The following MPDZ variants were observed in gnomAD, a reference collection of about 807,000 sequenced individuals.
MPDZ encodes multiple PDZ domain crumbs cell polarity complex component.
In MPDZ, 234 loss-of-function variants were observed where a neutral mutation model predicts 239.1. The ratio of observed to expected loss-of-function variants is 0.98; its 90% CI spans 0.88 to 1.09. The LOEUF (loss-of-function observed/expected upper bound fraction) is 1.09. Among genes scored for constraint, MPDZ ranks in the 50% least tolerant of loss-of-function variants. The pLI, the probability that MPDZ is intolerant of heterozygous loss-of-function variation, is 0.00. For missense variants in MPDZ, 3,175 were observed against 2,510.0 expected, an observed-to-expected ratio of 1.26 and a Z score of -5.66; for synonymous variants, 1,048 against 881.3, an observed-to-expected ratio of 1.19 and a Z score of -3.35.
At chr9:13,121,322 C>G (rs1232701302) in intron 38 of MPDZ, among the ~76,000 whole-genome samples, 2 of 152,072 alleles carry the variant, frequency 1.3e-5, no homozygotes, top group African/African-American at 4.8e-5. Context: ...TCACTTGGTC[C>G]CTTTCTCCTT....
intron 1 of MPDZ, among the ~76,000 whole-genome samples, chr9:13,267,745 G>A (rs1972084382): frequency 6.6e-6 from 1 of 152,150 alleles, no homozygotes; most frequent in South Asian, 2.1e-4. Flanking sequence ...AGCTGAAAGG[G>A]AGAAGGGATG....
chr9:13,157,220 G>C (rs1385107930), intron 24 of MPDZ, among the ~76,000 whole-genome samples: 1 of 152,000 alleles, frequency 6.6e-6, no homozygotes, highest in Non-Finnish European at 1.5e-5. Context: ...CATTGTGATG[G>C]TGACCTTTAG....
chr9:13,213,500 T>C (rs1229188173), intron 10 of MPDZ, among the ~76,000 whole-genome samples: 1 of 152,018 alleles, frequency 6.6e-6, no homozygotes, highest in Non-Finnish European at 1.5e-5. Context: ...AAAATGCAAC[T>C]GGATGTGAAG....
intron 39 of MPDZ, among the ~76,000 whole-genome samples, chr9:13,117,173 T>C (rs755621952): frequency 5.9e-5 from 9 of 152,162 alleles, no homozygotes; most frequent in Non-Finnish European, 8.8e-5. Flanking sequence ...TCTCTCCTTC[T>C]AAAAATACCT....
In MPDZ at chr9:13,121,722, G is replaced by C; in HGVS notation, c.5231+17C>G. ...TCATTTCCAAGGGAGCATTGGGTTT[G>C]TCCTCCTCAATCACACCTTTTACCA... On this transcript the variant is annotated intron_variant, in intron 38 of 46. Coordinates refer to ENST00000319217, the MANE Select transcript of MPDZ (RefSeq NM_001378778.1). The C allele has an allele frequency of 6.2e-7, 1 of 1,613,474 alleles. No individual in the cohort carries two copies. Among genetic ancestry groups the C allele is most frequent in the Non-Finnish European group, 8.5e-7 (1 of 1,179,470 alleles).
chr9:13,151,626 T>G (rs115273535), intron 24 of MPDZ, among the ~76,000 whole-genome samples: 2,519 of 152,028 alleles, frequency 0.017, 80 homozygotes, highest in African/African-American at 0.057. Context: ...GGTGGTTGCC[T>G]GGGATGGGAA....
At chr9:13,107,542 G>GA (rs1352670073) in intron 46 of MPDZ, among the ~76,000 whole-genome samples, 2 of 152,164 alleles carry the variant, frequency 1.3e-5, no homozygotes, top group Non-Finnish European at 2.9e-5. Flanking sequence ...GGGCTTGGGG[G>GA]ATGACAAAAT....
At chr9:13,151,971 T>C (rs1466950338) in intron 24 of MPDZ, among the ~76,000 whole-genome samples, 1 of 152,120 alleles carries the variant, frequency 6.6e-6, no homozygotes, top group African/African-American at 2.4e-5. Flanking sequence ...GAAAATGATT[T>C]GTTATAAGTA....
At chr9:13,121,657 T>C in intron 38 of MPDZ, 82 bp downstream of exon 38, 1 of 1,430,892 alleles carries the variant, frequency 7.0e-7, no homozygotes, top group African/African-American at 1.4e-5. Flanking sequence ...GATAAAAGAT[T>C]CACCTACTGC....
At chr9:13,205,797 G>T in intron 11 of MPDZ, 119 bp downstream of exon 11, 1 of 898,198 alleles carries the variant, frequency 1.1e-6, no homozygotes, top group Non-Finnish European at 1.6e-6. Context: ...GAATAGTTGA[G>T]GGTAAAAAGC....
intron 3 of MPDZ, among the ~76,000 whole-genome samples, chr9:13,230,477 A>G (rs996057591): frequency 5.3e-5 from 8 of 152,186 alleles, no homozygotes; most frequent in African/African-American, 1.9e-4. Flanking sequence ...TGCAACTTCA[A>G]GATATCAAGG....
At chr9:13,268,998 A>G (rs1024670803) in intron 1 of MPDZ, among the ~76,000 whole-genome samples, 3 of 152,188 alleles carry the variant, frequency 2.0e-5, no homozygotes, top group African/African-American at 7.2e-5. Flanking sequence ...TGATAATACA[A>G]CCAGATGTTA....
At chr9:13,175,167 T>C (rs1587519453) in intron 21 of MPDZ, among the ~76,000 whole-genome samples, 1 of 152,192 alleles carries the variant, frequency 6.6e-6, no homozygotes, top group East Asian at 1.9e-4. Context: ...AACACAGTTT[T>C]AGCTATTGTA....
chr9:13,223,606 A>T lies in MPDZ; in HGVS notation c.498T>A (p.Phe166Leu). ...CACTGCCCTCTTGTATCTCTTGAACAAATATTCCCAGCTCTCCTCTGTTTT... is the reference window on the plus strand; with the variant it reads ...CACTGCCCTCTTGTATCTCTTGAACTAATATTCCCAGCTCTCCTCTGTTTT... ...RSENRGELGI[F>L]VQEIQEGSVA... The change falls in exon 5 of 47, where the codon TTT becomes TTA. Residue 166 changes from phenylalanine to leucine, a missense_variant. Transcript: ENST00000319217. 2 of 1,612,442 alleles carry T rather than the reference A, an allele frequency of 1.2e-6. No individual in the cohort carries two copies. The highest frequency in any genetic ancestry group is 1.1e-5 in the South Asian group (1 of 91,020).
chr9:13,223,092 C>T (rs1587919512), intron 5 of MPDZ, among the ~76,000 whole-genome samples: 1 of 152,032 alleles, frequency 6.6e-6, no homozygotes, highest in African/African-American at 2.4e-5. Context: ...GGAGAATGTG[C>T]ACAGGCTATA....
At chr9:13,187,526 T>C (rs1214624436) in intron 17 of MPDZ, among the ~76,000 whole-genome samples, 2 of 152,154 alleles carry the variant, frequency 1.3e-5, no homozygotes, top group Non-Finnish European at 2.9e-5. Context: ...CCTGGTTCGA[T>C]TTCAGATTGG....
At chr9:13,119,455 T>C (rs1943994083) in intron 39 of MPDZ, 47 bp downstream of exon 39, 3 of 1,563,720 alleles carry the variant, frequency 1.9e-6, no homozygotes, top group Admixed American at 2.0e-5. Context: ...TAAAATTATC[T>C]TTTTTCTTCT....
intron 24 of MPDZ, among the ~76,000 whole-genome samples, chr9:13,154,927 T>C (rs539692404): frequency 6.6e-6 from 1 of 152,176 alleles, no homozygotes; most frequent in South Asian, 2.1e-4. Context: ...GAAATAAAAA[T>C]TGGTATAGCA....
At chr9:13,272,051 T>G (rs766915218) in intron 1 of MPDZ, among the ~76,000 whole-genome samples, 1 of 152,188 alleles carries the variant, frequency 6.6e-6, no homozygotes, top group African/African-American at 2.4e-5. Flanking sequence ...ATGGATATGT[T>G]CACTATCTTG....
Sources: allele counts gnomAD v4.1 joint callset (sites outside exome capture counted in the v4.1 genomes callset), GRCh38; gene constraint gnomAD v4.1.1; transcripts MANE v1.5; gene names NCBI Gene and HGNC (gene_info 2026-07-23, HGNC 2026-07-21).